The following ANKRD17 variants were observed in gnomAD, a reference collection of about 807,000 sequenced individuals.
ANKRD17 encodes ankyrin repeat domain 17.
ANKRD17 carries 19 observed loss-of-function variants against 229.7 expected under a neutral mutation model. The observed-to-expected ratio is 0.08, with a 90% CI of 0.06 to 0.12. The LOEUF (loss-of-function observed/expected upper bound fraction) is 0.12. Among genes scored for constraint, ANKRD17 ranks in the 10% least tolerant of loss-of-function variants. The pLI is 1.00. For synonymous variants in ANKRD17, 1,112 were observed against 1,146.1 expected (o/e 0.97, Z 0.60); for missense variants, 2,176 against 3,176.8 (o/e 0.68, Z 7.57).
chr4:73,240,410 G>A (rs2149259742), intron 1 of ANKRD17, among the ~76,000 whole-genome samples: 1 of 150,240 alleles, frequency 6.7e-6, no homozygotes, highest in African/African-American at 2.5e-5. Context: ...GATCACCTGA[G>A]CCCAGGAGTT....
At chr4:73,143,128 G>A (rs1026314098) in intron 11 of ANKRD17, among the ~76,000 whole-genome samples, 2 of 152,150 alleles carry the variant, frequency 1.3e-5, no homozygotes, top group African/African-American at 4.8e-5. Flanking sequence ...CAGTAGAAAA[G>A]ATGACTGAAT....
chr4:73,079,325 T>C (rs1185622051), intron 30 of ANKRD17, among the ~76,000 whole-genome samples: 1 of 152,238 alleles, frequency 6.6e-6, no homozygotes, highest in Non-Finnish European at 1.5e-5. Flanking sequence ...AGCTATCTAA[T>C]AAATTTGGAA....
Position 73,147,148 on chromosome 4 carries a change from A to G in ANKRD17, c.1759+93T>C, listed in dbSNP as rs867336088. 315 of 1,191,232 alleles carry G rather than the reference A, an allele frequency of 2.6e-4. 1 individual carries two copies. The Middle Eastern group carries it at 0.014, about 53-fold the overall frequency. 73.8% of individuals were successfully genotyped at this position (1,191,232 alleles called of 1,614,324 possible). On this transcript the variant is annotated intron_variant, in intron 9 of 33. Coordinates refer to ENST00000358602, the MANE Select transcript of ANKRD17 (RefSeq NM_032217.5). ...CACGTTTTTTTAAACTCACACATTC[A>G]GTGTATCATAGCATCATAAAAATAT...
chr4:73,121,872 C>A (rs1726778797), intron 18 of ANKRD17, 113 bp from the exon 19 acceptor site: 3 of 1,095,044 alleles, frequency 2.7e-6, no homozygotes, highest in South Asian at 2.0e-5. Context: ...GGGGAAAGTT[C>A]TTCCTTCATG....
intron 7 of ANKRD17, among the ~76,000 whole-genome samples, chr4:73,149,756 T>TC (rs1294186139): frequency 6.6e-6 from 1 of 152,008 alleles, no homozygotes; most frequent in Non-Finnish European, 1.5e-5. Flanking sequence ...TCCCAGCTAC[T>TC]CAAGAGGCTG....
intron 10 of ANKRD17, among the ~76,000 whole-genome samples, chr4:73,145,956 C>A (rs967802376): frequency 3.3e-5 from 5 of 152,010 alleles, no homozygotes; most frequent in African/African-American, 1.2e-4. Context: ...GGAAAGAGCA[C>A]AGTTGCTTAT....
intron 24 of ANKRD17, among the ~76,000 whole-genome samples, chr4:73,109,595 T>C (rs1384358387): frequency 6.6e-6 from 1 of 152,002 alleles, no homozygotes; most frequent in African/African-American, 2.4e-5. Flanking sequence ...TAAGAAACAG[T>C]GGTCTAAATG....
chr4:73,110,011 CAAAAAAAAAA>C (rs1175850592), intron 24 of ANKRD17, among the ~76,000 whole-genome samples: 10 of 33,220 alleles, frequency 3.0e-4, no homozygotes, highest in African/African-American at 9.8e-4. Context: ...AAAAGTTTAC[CAAAAAAAAAA>C]AAAAAAAAAA....
At chr4:73,234,113 T>C (rs1441515451) in intron 1 of ANKRD17, among the ~76,000 whole-genome samples, 2 of 152,198 alleles carry the variant, frequency 1.3e-5, no homozygotes, top group South Asian at 2.1e-4. Context: ...AACTGTGATA[T>C]ATTTTCCATG....
intron 25 of ANKRD17, among the ~76,000 whole-genome samples, chr4:73,099,308 A>G (rs1477063713): frequency 6.6e-6 from 1 of 150,766 alleles, no homozygotes; most frequent in East Asian, 2.0e-4. Context: ...ACCACACTAC[A>G]CAGCACACCA....
intron 1 of ANKRD17, among the ~76,000 whole-genome samples, chr4:73,185,721 G>A (rs916884120): frequency 3.3e-5 from 5 of 151,892 alleles, no homozygotes; most frequent in African/African-American, 1.2e-4. Flanking sequence ...AATGACTTAC[G>A]GCTATCATTA....
intron 2 of ANKRD17, among the ~76,000 whole-genome samples, chr4:73,165,037 C>T (rs1733051220): frequency 6.6e-6 from 1 of 151,924 alleles, no homozygotes; most frequent in South Asian, 2.1e-4. Context: ...GGCTAAAATG[C>T]AAGAGAAATT....
Position 73,139,668 on chromosome 4 carries a change from A to G in ANKRD17, c.2948T>C (p.Val983Ala). 1 of 1,613,498 alleles carries G rather than the reference A, an allele frequency of 6.2e-7. No individual in the cohort carries two copies. Among genetic ancestry groups the G allele is most frequent in the Non-Finnish European group, 8.5e-7 (1 of 1,179,884 alleles). ...SIANLTELQGVIVGQPVLGQA... is the reference protein window; with the variant it reads ...SIANLTELQGAIVGQPVLGQA... Reference sequence around the variant, plus strand: ...GCCCAGTACTGGCTGTCCAACTATCACTCCTTGCAGTTCTGTAAGATTTGC... The same window carrying G: ...GCCCAGTACTGGCTGTCCAACTATCGCTCCTTGCAGTTCTGTAAGATTTGC... Residue 983 changes from valine to alanine, a missense_variant, in exon 15 of 34, where the codon GTG (valine) becomes GCG (alanine). Val to Ala is a moderately conservative substitution (Grantham distance 64, BLOSUM62 0). This residue lies in a region of ANKRD17 where 230 missense variants were observed against 252.3 expected (regional missense o/e 0.91). Transcript: ENST00000358602.
rs769900209 is a variant in ANKRD17, at chr4:73,139,764, G to A, written c.2852C>T (p.Ala951Val). Residue 951 changes from alanine to valine, a missense_variant, in exon 15 of 34, where the codon GCG (alanine) becomes GTG (valine). Transcript: ENST00000358602. Reference protein sequence around the residue: ...PQQTAAQMGFAPIQPLAMPQA... With the variant: ...PQQTAAQMGFVPIQPLAMPQA... ...AGGCATCGCCAGAGGCTGGATTGGCGCAAAACCCATCTGAGCAGCAGTCTG... is the reference window on the plus strand; with the variant it reads ...AGGCATCGCCAGAGGCTGGATTGGCACAAAACCCATCTGAGCAGCAGTCTG... 13 of 1,614,176 alleles carry A rather than the reference G, an allele frequency of 8.1e-6. No individual in the cohort carries two copies. Among genetic ancestry groups the A allele is most frequent in the East Asian group, 6.7e-5 (3 of 44,878 alleles).
At chr4:73,229,644 T>A (rs964795432) in intron 1 of ANKRD17, among the ~76,000 whole-genome samples, 6 of 151,192 alleles carry the variant, frequency 4.0e-5, no homozygotes, top group Non-Finnish European at 7.4e-5. Context: ...AGAGTCTATA[T>A]ATATATATAC....
At chr4:73,140,697 G>GT (rs1729489124) in intron 14 of ANKRD17, among the ~76,000 whole-genome samples, 1 of 152,066 alleles carries the variant, frequency 6.6e-6, no homozygotes, top group Non-Finnish European at 1.5e-5. Context: ...TCTAAGTCAG[G>GT]TTTTTTCACA....
Position 73,091,946 on chromosome 4 carries a change from C to T in ANKRD17, c.5682G>A (p.Leu1894=), listed in dbSNP as rs750948472. The stretch of plus-strand genomic sequence containing the variant: ...TCTGCTGGAAAGTCTGAGCAGCAAG[C>T]AAAGCATGTGCAAACTGTGGAGGAG... ...AYPPPQFAHA[L]LAAQTFQQIR... The change falls in exon 29 of 34, where the codon TTG becomes TTA. Residue 1894 remains leucine, a synonymous_variant. Transcript: ENST00000358602. 3 of 1,614,130 alleles carry T rather than the reference C, an allele frequency of 1.9e-6. No individual in the cohort carries two copies. Among genetic ancestry groups the T allele is most frequent in the Non-Finnish European group, 2.5e-6 (3 of 1,180,038 alleles).
chr4:73,103,235 A>G (rs2148614626), intron 24 of ANKRD17, among the ~76,000 whole-genome samples: 1 of 152,232 alleles, frequency 6.6e-6, no homozygotes, highest in East Asian at 1.9e-4. Context: ...CTGAAGACTA[A>G]TAATCACTTT....
rs5024692 is a variant in ANKRD17 at position 73,170,665 on chromosome 4, G to A, written c.547+6715C>T. ...CCACTGTTCTGAAGGGTGAGTCTCA[G>A]GCCTGGCAGCTTTCATCACAAGCTG... is the stretch of plus-strand genomic sequence containing the variant. On this transcript the variant is annotated intron_variant, in intron 2 of 33. Transcript: ENST00000358602. Among the ~76,000 whole-genome samples the A allele has an allele frequency of 2.7e-3, 413 of 151,420 alleles. 2 individuals are homozygous for A. Among genetic ancestry groups the A allele is most frequent in the African/African-American group, 9.4e-3 (388 of 41,288 alleles).
Sources: allele counts gnomAD v4.1 joint callset (sites outside exome capture counted in the v4.1 genomes callset), GRCh38; gene constraint gnomAD v4.1.1; regional missense constraint gnomAD v4.1.1; transcripts MANE v1.5; gene names NCBI Gene and HGNC (gene_info 2026-07-23, HGNC 2026-07-21).